RNF14: variants seen among roughly 807,000 people sequenced by gnomAD.
RNF14 encodes the protein ring finger protein 14.
In RNF14, 26 loss-of-function variants were observed where a neutral mutation model predicts 52.6. The observed-to-expected ratio is 0.49, with a 90% confidence interval of 0.36 to 0.69. The LOEUF (loss-of-function observed/expected upper bound fraction) is 0.69. Ranked by LOEUF, RNF14 falls within the 30% of genes least tolerant of loss-of-function variation. The pLI, the probability that RNF14 is intolerant of heterozygous loss-of-function variation, is 0.00. For missense variants in RNF14, 404 were observed against 560.4 expected (o/e 0.72, Z 2.82); for synonymous variants, 194 against 202.0 (o/e 0.96, Z 0.34).
At chr5:141,971,759 G>A (rs966824626) in intron 2 of RNF14, among the ~76,000 whole-genome samples, 1 of 149,394 alleles carries the variant, frequency 6.7e-6, no homozygotes, top group East Asian at 1.9e-4. Flanking sequence ...CTCTAGTCTC[G>A]TGCCTCAGCC....
intron 1 of RNF14, among the ~76,000 whole-genome samples, chr5:141,959,342 T>C (rs1291150759): frequency 1.3e-5 from 2 of 152,056 alleles, no homozygotes; most frequent in African/African-American, 4.8e-5. Context: ...CACCTCCTCA[T>C]AAGGTGAAAT....
chr5:141,976,776 CTTTTTTTTT>C (rs70991717), intron 4 of RNF14, among the ~76,000 whole-genome samples: 4 of 100,082 alleles, frequency 4.0e-5, no homozygotes, highest in African/African-American at 8.0e-5. Flanking sequence ...CTTTCTCTCT[CTTTTTTTTT>C]TTTTTTTTTT....
chr5:141,984,155 T>C (rs1755031860), intron 7 of RNF14, among the ~76,000 whole-genome samples: 1 of 150,134 alleles, frequency 6.7e-6, no homozygotes, highest in East Asian at 2.0e-4. Context: ...TGGAGTGCGG[T>C]AGTGCAATCT....
At chr5:141,955,244 G>T (rs1367455915), upstream of RNF14, 2 of 1,614,228 alleles carry the variant, frequency 1.2e-6, no homozygotes, top group Admixed American at 3.3e-5. This position sits in a 1 kb window ranked among gnomAD's most constrained non-coding sequence, Gnocchi z 5.5. Context: ...CCTGTGGCAG[G>T]CTGGGGCTCG....
At chr5:141,966,562 G>A (rs1257031008), upstream of RNF14, among the ~76,000 whole-genome samples, 1 of 152,090 alleles carries the variant, frequency 6.6e-6, no homozygotes, top group Non-Finnish European at 1.5e-5. Flanking sequence ...AGGCACACGG[G>A]GAGACTGCAG....
At chr5:141,966,009 C>T (rs1029258195), upstream of RNF14, among the ~76,000 whole-genome samples, 17 of 151,680 alleles carry the variant, frequency 1.1e-4, no homozygotes, top group East Asian at 2.5e-3. Context: ...GCCCAGGCGC[C>T]GTGGCTCACA....
the RNF14 span, chr5:141,953,214 C>T: frequency 6.6e-6 from 1 of 152,184 alleles, no homozygotes; most frequent in East Asian, 1.9e-4. Context: ...ATGTCCCTGC[C>T]CCAGTTCCCA....
chr5:141,983,531 A>G lies in RNF14; in HGVS notation c.1215A>G (p.Pro405=). ...TAGAGAAGAACTCAAAGAGCTGCCC[A>G]TGTTGTGGAACTCCCATAGAGGTAA... ...EWLEKNSKSC[P]CCGTPIEKLD... Residue 405 remains proline (P), a synonymous_variant, in exon 7 of 9, where the codon CCA becomes CCG. Coordinates refer to ENST00000394520, the MANE Select transcript of RNF14 (RefSeq NM_004290.5). The G allele has an allele frequency of 2.5e-6, 4 of 1,611,350 alleles. No homozygotes were observed. Among genetic ancestry groups the G allele is most frequent in the Non-Finnish European group, 3.4e-6 (4 of 1,179,758 alleles).
chr5:141,965,557 T>G (rs2126942971), upstream of RNF14, among the ~76,000 whole-genome samples: 1 of 152,320 alleles, frequency 6.6e-6, no homozygotes, highest in Admixed American at 6.5e-5. Flanking sequence ...TATTTTACTC[T>G]CTGTGAATTT....
upstream of RNF14, chr5:141,956,306 C>G: frequency 6.2e-7 from 1 of 1,614,198 alleles, no homozygotes; most frequent in Non-Finnish European, 8.5e-7. Flanking sequence ...GCAGTGACCT[C>G]TCCTGTGTTG....
At position 141,990,046 on chromosome 5, in the gene RNF14, C is replaced by A. The variant is rs2127078226; in HGVS notation, c.*2256C>A. 6.6e-6 allele frequency: 1 copy of A among 152,192 alleles called. No individual in the cohort carries two copies. The highest frequency in any genetic ancestry group is 1.9e-4 in the East Asian group (1 of 5,172). The allele number at this position is 152,192 out of a possible 1,614,324, so 9.4% of individuals were successfully genotyped here. On this transcript the variant is annotated 3_prime_UTR_variant, in exon 9 of 9. Transcript: ENST00000394520. The stretch of plus-strand genomic sequence containing the variant: ...TTAGTCTCAAAAATTTGTTTGGTCA[C>A]CTTAGTGATTCTTAGGTACAAAGTC...
At chr5:141,950,124 C>G in the RNF14 span, among the ~76,000 whole-genome samples, 1 of 152,158 alleles carries the variant, frequency 6.6e-6, no homozygotes, top group East Asian at 1.9e-4. Flanking sequence ...CTACTTTAGG[C>G]CAAATCCTAG....
upstream of RNF14, among the ~76,000 whole-genome samples, chr5:141,967,493 C>G (rs1753386230): frequency 6.6e-6 from 1 of 152,108 alleles, no homozygotes; most frequent in Non-Finnish European, 1.5e-5. Context: ...CCCCCTAAGT[C>G]CCCAAAGTCC....
chr5:141,951,752 G>T, the RNF14 span, among the ~76,000 whole-genome samples: 1 of 152,194 alleles, frequency 6.6e-6, no homozygotes. Context: ...ACAGAGACAG[G>T]GACCTGGGCG....
chr5:141,955,923 T>C (rs1753174963), upstream of RNF14: 3 of 1,614,190 alleles, frequency 1.9e-6, no homozygotes, highest in Non-Finnish European at 2.5e-6. This position sits in a 1 kb window ranked among gnomAD's most constrained non-coding sequence, Gnocchi z 5.5. Context: ...AGAGGTGGGC[T>C]TCATTTCCAC....
At position 141,980,220 on chromosome 5, in the gene RNF14, G is replaced by A. The variant is rs953246535; in HGVS notation, c.932G>A (p.Arg311Gln). Residue 311 changes from arginine to glutamine, a missense_variant, in exon 6 of 9, where the codon CGG becomes CAG. Transcript: ENST00000394520. ...DLMADVVYCP[R>Q]PCCQLPVMQE... ...ATGGCAGATGTGGTGTACTGCCCCC[G>A]GCCGTGCTGCCAGCTGCCTGTGATG... 12 of 1,614,040 alleles carry A rather than the reference G, an allele frequency of 7.4e-6. No homozygotes were observed. Among genetic ancestry groups the A allele is most frequent in the Admixed American group, 1.7e-5 (1 of 60,006 alleles).
chr5:141,961,780 G>A (rs1380317422), intron 1 of RNF14, among the ~76,000 whole-genome samples: 1 of 152,098 alleles, frequency 6.6e-6, no homozygotes, highest in African/African-American at 2.4e-5. Flanking sequence ...TAAAACACCT[G>A]GAGTCCTAAG....
At chr5:141,967,389 T>C (rs1290589467), upstream of RNF14, among the ~76,000 whole-genome samples, 2 of 152,242 alleles carry the variant, frequency 1.3e-5, no homozygotes, top group Admixed American at 6.5e-5. Context: ...AGTTCTTTAA[T>C]GGTGATTTGT....
At chr5:141,965,468 C>T (rs1753324799), upstream of RNF14, among the ~76,000 whole-genome samples, 1 of 152,220 alleles carries the variant, frequency 6.6e-6, no homozygotes. Flanking sequence ...TCTGTGTTCT[C>T]ATTCTCACCT....
Sources: gnomAD v4.1 joint callset for allele counts (sites outside exome capture counted in the v4.1 genomes callset) on GRCh38, gnomAD v4.1.1 for gene constraint, Gnocchi (gnomAD v3.1) non-coding constraint, MANE v1.5 for transcripts, NCBI Gene and HGNC (gene_info 2026-07-23, HGNC 2026-07-21) for gene names.